MCF2L2: variants seen among roughly 807,000 people sequenced by gnomAD.
MCF2L2 encodes probable guanine nucleotide exchange factor MCF2L2.
A neutral mutation model predicts 150.2 loss-of-function variants in MCF2L2; 102 were observed. That is an observed-to-expected ratio of 0.68 (90% CI 0.58 to 0.80). The LOEUF is 0.80. MCF2L2 is among the 30% of genes least tolerant of loss of function. The probability of loss-of-function intolerance (pLI) is 0.00; values close to 1 mark genes in which losing one functional copy is unlikely to be tolerated. For synonymous variants in MCF2L2, 465 were observed against 491.3 expected (o/e 0.95, Z 0.71); for missense variants, 1,256 against 1,372.8 (o/e 0.91, Z 1.34).
intron 7 of MCF2L2, among the ~76,000 whole-genome samples, chr3:183,317,827 C>T (rs746057169): frequency 3.9e-5 from 6 of 152,106 alleles, no homozygotes; most frequent in Non-Finnish European, 5.9e-5. Context: ...CACTCACCAC[C>T]CAGTCTCAAA....
At chr3:183,350,651 T>A (rs914517231) in intron 3 of MCF2L2, among the ~76,000 whole-genome samples, 1 of 152,154 alleles carries the variant, frequency 6.6e-6, no homozygotes, top group Non-Finnish European at 1.5e-5. Context: ...ACGCCTGTAA[T>A]CCCAGCACTT....
At position 183,229,700 on chromosome 3, in the gene MCF2L2, CA is replaced by C; in HGVS notation, c.2010del (p.Phe670LeufsTer16). ...DVLQNNKDFL[F>X]GNIRELYEFH... is the part of the protein sequence containing the mutation. ...AATTCGTAAAGTTCTCTAATATTCC[CA>C]AAGAGAAAGTCCTTGTTATTCTGAA... On this transcript the variant is annotated frameshift_variant, in exon 17 of 30. Coordinates refer to ENST00000328913, the MANE Select transcript of MCF2L2 (RefSeq NM_015078.4). LOFTEE classifies it high-confidence loss of function. The C allele has an allele frequency of 6.3e-7, 1 of 1,592,232 alleles. No individual in the cohort carries two copies. Among genetic ancestry groups the C allele is most frequent in the Non-Finnish European group, 8.6e-7 (1 of 1,163,242 alleles).
chr3:183,190,401 G>A (rs1721842083), intron 27 of MCF2L2, among the ~76,000 whole-genome samples: 1 of 152,162 alleles, frequency 6.6e-6, no homozygotes, highest in Non-Finnish European at 1.5e-5. Flanking sequence ...GCTACTAACG[G>A]TCTTCAGTCA....
intron 15 of MCF2L2, among the ~76,000 whole-genome samples, chr3:183,254,993 G>C (rs1724908533): frequency 1.3e-5 from 2 of 152,226 alleles, no homozygotes; most frequent in South Asian, 4.1e-4. Context: ...GGCCGGTGTT[G>C]GTTTTCTTAG....
chr3:183,366,600 C>T (rs748823414), intron 3 of MCF2L2, among the ~76,000 whole-genome samples: 10 of 152,022 alleles, frequency 6.6e-5, no homozygotes, highest in African/African-American at 1.9e-4. Context: ...GAGCCGAGAT[C>T]GCACCACTGC....
chr3:183,222,138 G>C (rs1723170639), intron 20 of MCF2L2, among the ~76,000 whole-genome samples: 1 of 152,198 alleles, frequency 6.6e-6, no homozygotes, highest in Non-Finnish European at 1.5e-5. Flanking sequence ...TAGCTGCTGG[G>C]ACTACAGGTG....
chr3:183,243,127 A>G (rs1181799043), intron 15 of MCF2L2, among the ~76,000 whole-genome samples: 1 of 152,240 alleles, frequency 6.6e-6, no homozygotes, highest in East Asian at 1.9e-4. Flanking sequence ...ACAGGCACAT[A>G]GGTGGAAGGG....
rs999060485 is a variant in MCF2L2, at chr3:183,428,228, G to A, written c.-251C>T. ...CAGCTGGACCGAGAGAGGAGCGGCC[G>A]TTCTGCAAAAGGAAGCAAGTCGCCA... On this transcript the variant is annotated 5_prime_UTR_variant, in exon 1 of 30. The change creates a new upstream start codon in the 5' untranslated region. Coordinates refer to ENST00000328913, the MANE Select transcript of MCF2L2 (RefSeq NM_015078.4). This position sits in a 1 kb window ranked among gnomAD's most constrained non-coding sequence, Gnocchi z 5.1. 4.2e-6 allele frequency: 2 copies of A among 471,548 alleles called. No individual in the cohort carries two copies. 29.2% of individuals were successfully genotyped at this position (471,548 alleles called of 1,614,324 possible).
At chr3:183,271,208 C>A in intron 15 of MCF2L2, 1 of 288,406 alleles carries the variant, frequency 3.5e-6, no homozygotes. Flanking sequence ...TCATGTAATG[C>A]CACATATATA....
chr3:183,284,867 T>C (rs1035851320), intron 14 of MCF2L2, among the ~76,000 whole-genome samples: 1 of 152,220 alleles, frequency 6.6e-6, no homozygotes, highest in Non-Finnish European at 1.5e-5. Flanking sequence ...AGAACTTGGC[T>C]GAGGGCCACC....
At chr3:183,186,278 A>G (rs1721689502) in intron 27 of MCF2L2, among the ~76,000 whole-genome samples, 1 of 152,166 alleles carries the variant, frequency 6.6e-6, no homozygotes, top group Admixed American at 6.5e-5. Context: ...TTGTTTTGCA[A>G]TGGGGCCTTA....
rs574653753 is a variant in MCF2L2 at position 183,421,933 on chromosome 3, G to T, written c.76+5969C>A. Among the ~76,000 whole-genome samples the T allele has an allele frequency of 3.9e-5, 6 of 152,124 alleles. No homozygotes were observed. The East Asian group carries it at 1.2e-3, about 29-fold the overall frequency. On this transcript the variant is annotated intron_variant, in intron 1 of 29. Transcript: ENST00000328913. Reference sequence around the variant, plus strand: ...CTTTGGTTGTGCCCATAGTCTGTGTGGGTTTAACAGAGTTGTACTGCCTGT... The same window carrying T: ...CTTTGGTTGTGCCCATAGTCTGTGTTGGTTTAACAGAGTTGTACTGCCTGT...
Position 183,271,638 on chromosome 3 carries a change from T to C in MCF2L2, c.1862+5234A>G, listed in dbSNP as rs1167601917. 1.8e-5 allele frequency: 3 copies of C among 167,016 alleles called. No individual in the cohort carries two copies. In the Admixed American group the frequency reaches 2.0e-4, roughly 11 times the overall value. The allele number at this position is 167,016 out of a possible 1,614,324, so 10.3% of individuals were successfully genotyped here. A position where few individuals can be genotyped will look rare whatever the true frequency, so the allele number is the denominator to read the frequency against. On this transcript the variant is annotated intron_variant, in intron 15 of 29. Transcript: ENST00000328913. Reference sequence around the variant, plus strand: ...TATATGTTTTTAATGGATTTTTTTTTAAGTATTAGAAAATGACACATAACA... The same window carrying C: ...TATATGTTTTTAATGGATTTTTTTTCAAGTATTAGAAAATGACACATAACA...
intron 15 of MCF2L2, chr3:183,271,048 G>A: frequency 1.0e-6 from 1 of 988,716 alleles, no homozygotes; most frequent in Non-Finnish European, 1.4e-6. Context: ...CAAATATTTT[G>A]AAAGCCTAGT....
At chr3:183,391,603 G>A (rs1034741246) in intron 1 of MCF2L2, among the ~76,000 whole-genome samples, 3 of 152,168 alleles carry the variant, frequency 2.0e-5, no homozygotes, top group African/African-American at 7.2e-5. Flanking sequence ...CTAAAACTAT[G>A]CATGGGGTGG....
chr3:183,312,590 G>A (rs1228299162), intron 7 of MCF2L2, among the ~76,000 whole-genome samples: 1 of 152,156 alleles, frequency 6.6e-6, no homozygotes, highest in Middle Eastern at 3.2e-3. Flanking sequence ...ATTAGAACAG[G>A]CCCATACTTC....
At chr3:183,321,829 A>T (rs143684241) in intron 6 of MCF2L2, among the ~76,000 whole-genome samples, 1 of 152,390 alleles carries the variant, frequency 6.6e-6, no homozygotes, top group East Asian at 1.9e-4. Context: ...GGGATGGCCT[A>T]TAACAAAAAC....
At chr3:183,229,087 G>A (rs1723455775) in intron 17 of MCF2L2, among the ~76,000 whole-genome samples, 1 of 152,176 alleles carries the variant, frequency 6.6e-6, no homozygotes, top group Non-Finnish European at 1.5e-5. Flanking sequence ...TGAATTAGGT[G>A]TGCAATCTTG....
At chr3:183,340,174 C>T (rs938952886) in intron 4 of MCF2L2, among the ~76,000 whole-genome samples, 55 of 152,306 alleles carry the variant, frequency 3.6e-4, no homozygotes, top group African/African-American at 1.3e-3. Context: ...GAACCTTGCG[C>T]TTTGTTGTGC....
Sources: gnomAD v4.1 joint callset for allele counts (sites outside exome capture counted in the v4.1 genomes callset) on GRCh38, gnomAD v4.1.1 for gene constraint, Gnocchi (gnomAD v3.1) non-coding constraint, MANE v1.5 for transcripts, NCBI Gene and HGNC (gene_info 2026-07-23, HGNC 2026-07-21) for gene names.